Variants in ARNT2 observed in about 807,000 individuals in gnomAD.
ARNT2 encodes the protein ARNT protein 2.
In ARNT2, 36 loss-of-function variants were observed where a neutral mutation model predicts 91.7. That is an observed-to-expected ratio of 0.39 (90% CI 0.30 to 0.52). The LOEUF (loss-of-function observed/expected upper bound fraction) is 0.52, where lower values mean the gene tolerates loss of function less well. Ranked by LOEUF, ARNT2 falls within the 20% of genes least tolerant of loss-of-function variation. The probability of loss-of-function intolerance (pLI) is 0.72; values close to 1 mark genes in which losing one functional copy is unlikely to be tolerated. For synonymous variants in ARNT2, 365 were observed against 347.1 expected (o/e 1.05, Z -0.57); for missense variants, 775 against 939.3 (o/e 0.83, Z 2.29).
intron 1 of ARNT2, among the ~76,000 whole-genome samples, chr15:80,432,553 G>T (rs1186213772): frequency 6.6e-6 from 1 of 152,098 alleles, no homozygotes; most frequent in African/African-American, 2.4e-5. Context: ...TACCATAACT[G>T]CAGCGTTGAG....
At chr15:80,543,901 C>T (rs145946329) in intron 8 of ARNT2, among the ~76,000 whole-genome samples, 60 of 152,174 alleles carry the variant, frequency 3.9e-4, no homozygotes, top group African/African-American at 1.3e-3. Context: ...CCACCATGCC[C>T]GGCTAATTTT....
intron 4 of ARNT2, among the ~76,000 whole-genome samples, chr15:80,472,471 G>A (rs778671807): frequency 2.0e-5 from 3 of 152,190 alleles, no homozygotes; most frequent in Admixed American, 6.5e-5. Flanking sequence ...TGGAAGTTAG[G>A]TTTAAAAAGA....
At chr15:80,537,606 G>A (rs1334231722) in intron 8 of ARNT2, among the ~76,000 whole-genome samples, 1 of 152,220 alleles carries the variant, frequency 6.6e-6, no homozygotes, top group Non-Finnish European at 1.5e-5. Context: ...GGATACAGGA[G>A]CAGGTTCTCT....
chr15:80,561,660 T>C (rs987207393), intron 11 of ARNT2, among the ~76,000 whole-genome samples: 2 of 152,178 alleles, frequency 1.3e-5, no homozygotes, highest in Non-Finnish European at 2.9e-5. Flanking sequence ...CAGAGTAGCA[T>C]GATGAAATCT....
In ARNT2 at chr15:80,404,468, GC is replaced by G. The variant is rs1193622141; in HGVS notation, c.-44del. ...GGGGCTGAGCGCCGGGCTCCGCGCC[GC>G]CCCTCCCGCGCCCCTGCCAAGCGGG... is the stretch of plus-strand genomic sequence containing the variant. On this transcript the variant is annotated 5_prime_UTR_variant, in exon 1 of 19. Coordinates refer to ENST00000303329, the MANE Select transcript of ARNT2 (RefSeq NM_014862.4). The surrounding 1 kb of genome is among the most constrained non-coding windows in gnomAD (Gnocchi z 5.5). The G allele has an allele frequency of 3.4e-6, 4 of 1,192,372 alleles. No homozygotes were observed. The highest frequency in any genetic ancestry group is 3.4e-5 in the South Asian group (2 of 58,678). The allele number at this position is 1,192,372 out of a possible 1,614,324, so 73.9% of individuals were successfully genotyped here. A position where few individuals can be genotyped will look rare whatever the true frequency, so the allele number is the denominator to read the frequency against.
intron 12 of ARNT2, among the ~76,000 whole-genome samples, chr15:80,564,598 G>A (rs1898439144): frequency 6.6e-6 from 1 of 152,058 alleles, no homozygotes. Context: ...GCATGATGCT[G>A]AGGCTTGGAC....
chr15:80,497,663 G>A lies in ARNT2; in HGVS notation c.623-10493G>A, dbSNP rs139488846. 9.2e-5 allele frequency among the ~76,000 whole-genome samples: 14 copies of A among 152,336 alleles called. No individual in the cohort carries two copies. The East Asian group carries it at 2.7e-3, about 29-fold the overall frequency. ...AAACTAATATAGATACCATTCTGTT[G>A]AGGGCAGTAGCATTCCCTGTGCTGC... On this transcript the variant is annotated intron_variant, in intron 5 of 18. Coordinates refer to ENST00000303329, the MANE Select transcript of ARNT2 (RefSeq NM_014862.4).
At chr15:80,492,260 A>AAGGT (rs1897067859) in intron 5 of ARNT2, among the ~76,000 whole-genome samples, 1 of 151,882 alleles carries the variant, frequency 6.6e-6, no homozygotes. Flanking sequence ...CTGATTTCAA[A>AAGGT]CTCCTAGGCT....
chr15:80,468,758 C>T (rs983468028), intron 3 of ARNT2, among the ~76,000 whole-genome samples: 2 of 152,192 alleles, frequency 1.3e-5, no homozygotes, highest in African/African-American at 2.4e-5. Context: ...TCATAGTTAA[C>T]CCCCCACTGC....
chr15:80,419,727 A>G (rs1396076742), intron 1 of ARNT2, among the ~76,000 whole-genome samples: 1 of 152,178 alleles, frequency 6.6e-6, no homozygotes, highest in Non-Finnish European at 1.5e-5. Context: ...AGCACCTCTC[A>G]TGTGGCAGGG....
At chr15:80,460,464 A>G (rs1209875591) in intron 3 of ARNT2, among the ~76,000 whole-genome samples, 4 of 152,178 alleles carry the variant, frequency 2.6e-5, no homozygotes, top group Non-Finnish European at 5.9e-5. Flanking sequence ...ACGCACATGC[A>G]CACGCCCATA....
chr15:80,505,235 G>C (rs928367772), intron 5 of ARNT2, among the ~76,000 whole-genome samples: 1 of 152,216 alleles, frequency 6.6e-6, no homozygotes, highest in Non-Finnish European at 1.5e-5. Flanking sequence ...ATAAATGGTA[G>C]AGCCATAATC....
intron 3 of ARNT2, among the ~76,000 whole-genome samples, chr15:80,463,844 A>G (rs1311619987): frequency 6.6e-6 from 1 of 152,130 alleles, no homozygotes; most frequent in Non-Finnish European, 1.5e-5. Context: ...TGCTGGGATT[A>G]TAGGTGTGAG....
Position 80,575,014 on chromosome 15 carries a change from G to A in ARNT2, c.1417G>A (p.Val473Ile). 1.2e-6 allele frequency: 2 copies of A among 1,614,196 alleles called. No homozygotes were observed. Among genetic ancestry groups the A allele is most frequent in the Non-Finnish European group, 8.5e-7 (1 of 1,180,028 alleles). The change falls in exon 14 of 19, where the codon GTT becomes ATT. Residue 473 changes from valine (V) to isoleucine (I), a missense_variant. Val to Ile is a conservative substitution (Grantham distance 29). Coordinates refer to ENST00000303329, the MANE Select transcript of ARNT2 (RefSeq NM_014862.4). ...QVPVPNLPAG[V>I]HEAGKSVEKA... ...CCCCGTCCCCAACCTACCAGCCGGT[G>A]TTCATGAGGCCGGGAAGTCCGTGGA...
intron 8 of ARNT2, chr15:80,550,957 C>T: frequency 2.2e-6 from 1 of 445,998 alleles, no homozygotes; most frequent in South Asian, 3.2e-5. Context: ...TTTCATCTTC[C>T]TTAATTTCCT....
At chr15:80,576,010 C>T (rs1898667366) in intron 14 of ARNT2, among the ~76,000 whole-genome samples, 2 of 152,220 alleles carry the variant, frequency 1.3e-5, no homozygotes, top group African/African-American at 2.4e-5. Context: ...CTTAGGTTAA[C>T]TCACTGAATT....
rs76264056 is a variant in ARNT2, at chr15:80,467,433, G to A, written c.195-2785G>A. On this transcript the variant is annotated intron_variant, in intron 3 of 18. Transcript: ENST00000303329. ...GGGGAGCAGCTGACACGTGGTTGGA[G>A]TAGGGAAGAGGGCTGTGGGTGGTGC... Among the ~76,000 whole-genome samples, 364 of 152,332 alleles carry A rather than the reference G, an allele frequency of 2.4e-3. 9 individuals carry two copies. In the East Asian group the frequency reaches 0.029, roughly 12 times the overall value.
At position 80,404,613 on chromosome 15, in the gene ARNT2, C is replaced by CGG; in HGVS notation, c.31+67_31+68insGG. The CGG allele has an allele frequency of 1.0e-6, 1 of 1,003,196 alleles. No homozygotes were observed. Among genetic ancestry groups the CGG allele is most frequent in the Non-Finnish European group, 1.2e-6 (1 of 838,570 alleles). The allele number at this position is 1,003,196 out of a possible 1,614,324, so 62.1% of individuals were successfully genotyped here. ...GGCCTTGCCCGGGGCCGGAGCGGAC[C>CGG]AGGCGCGCCGGGCGCCCCCGGGGGC... On this transcript the variant is annotated intron_variant, in intron 1 of 18. Coordinates refer to ENST00000303329, the MANE Select transcript of ARNT2 (RefSeq NM_014862.4). This position sits in a 1 kb window ranked among gnomAD's most constrained non-coding sequence, Gnocchi z 5.5.
intron 17 of ARNT2, among the ~76,000 whole-genome samples, chr15:80,584,672 C>T (rs1806546702): frequency 6.6e-6 from 1 of 152,226 alleles, no homozygotes; most frequent in South Asian, 2.1e-4. Context: ...ACACCCTAGC[C>T]CAGCGTGGGC....
Sources: allele counts gnomAD v4.1 joint callset (sites outside exome capture counted in the v4.1 genomes callset), GRCh38; gene constraint gnomAD v4.1.1; non-coding constraint Gnocchi (gnomAD v3.1); transcripts MANE v1.5; gene names NCBI Gene and HGNC (gene_info 2026-07-23, HGNC 2026-07-21).